The following TTC34 variants were observed in gnomAD, a reference collection of about 807,000 sequenced individuals.
TTC34 encodes tetratricopeptide repeat domain 34, also known as tetratricopeptide repeat protein 34.
TTC34 carries 44 observed loss-of-function variants against 40.7 expected under a neutral mutation model. That is an observed-to-expected ratio of 1.08 (90% CI 0.85 to 1.39). The LOEUF (loss-of-function observed/expected upper bound fraction) is 1.39. TTC34 is among the 40% of genes most tolerant of loss of function. TTC34 has a pLI of 0.00. For synonymous variants in TTC34, 422 were observed against 398.6 expected, an observed-to-expected ratio of 1.06 and a Z score of -0.70; for missense variants, 884 against 838.0, an observed-to-expected ratio of 1.05 and a Z score of -0.68.
chr1:2,755,751 C>G (rs1380196894), intron 6 of TTC34, among the ~76,000 whole-genome samples: 3 of 33,988 alleles, frequency 8.8e-5, no homozygotes, highest in South Asian at 1.0e-3. Flanking sequence ...CACACCCAGG[C>G]GAGCATCTGA....
chr1:2,751,714 A>G (rs1641326749), intron 6 of TTC34, among the ~76,000 whole-genome samples: 2 of 150,428 alleles, frequency 1.3e-5, no homozygotes, highest in African/African-American at 4.9e-5. Context: ...GACAGCCTGG[A>G]GCAGCACCCA....
chr1:2,652,563 A>G (rs1570754102), intron 6 of TTC34, among the ~76,000 whole-genome samples: 1 of 138,938 alleles, frequency 7.2e-6, no homozygotes, highest in Non-Finnish European at 1.5e-5. Context: ...CAGCACCCAC[A>G]CCCCCAGGTG....
intron 7 of TTC34, 141 bp from the exon 8 acceptor site, chr1:2,644,619 G>A (rs1638982486): frequency 1.2e-6 from 1 of 866,042 alleles, no homozygotes; most frequent in South Asian, 1.7e-5. Flanking sequence ...AGAAGGAGCT[G>A]GGAGCAGAGG....
chr1:2,642,639 T>C (rs9970196), intron 8 of TTC34, among the ~76,000 whole-genome samples: 92,052 of 152,148 alleles, frequency 0.61, 28,576 homozygotes, highest in Non-Finnish European at 0.68. Flanking sequence ...CGCTCAAGAA[T>C]CTGCAGGGGT....
At chr1:2,683,221 G>T (rs1489282341) in intron 6 of TTC34, among the ~76,000 whole-genome samples, 5 of 131,266 alleles carry the variant, frequency 3.8e-5, no homozygotes, top group African/African-American at 9.4e-5. Context: ...GCCTGGGTCG[G>T]CACCCACACC....
intron 6 of TTC34, among the ~76,000 whole-genome samples, chr1:2,677,923 C>T (rs1292613118): frequency 5.8e-5 from 2 of 34,408 alleles, no homozygotes; most frequent in Non-Finnish European, 4.7e-5. Context: ...CCTGGAGCAG[C>T]ACCCTGCACC....
At chr1:2,643,046 G>A (rs1240988804) in intron 8 of TTC34, among the ~76,000 whole-genome samples, 2 of 152,148 alleles carry the variant, frequency 1.3e-5, no homozygotes, top group Non-Finnish European at 2.9e-5. Flanking sequence ...GCCTCGGCCC[G>A]CGCAGGACCC....
At chr1:2,774,966 C>T (rs1419676290) in intron 6 of TTC34, 1 of 89,846 alleles carries the variant, frequency 1.1e-5, no homozygotes, top group Non-Finnish European at 2.3e-5. Flanking sequence ...GAATCTGACA[C>T]CATAAAACAG....
intron 3 of TTC34, among the ~76,000 whole-genome samples, chr1:2,789,249 G>A (rs563217914): frequency 8.7e-4 from 133 of 152,312 alleles, no homozygotes; most frequent in African/African-American, 2.7e-3. Context: ...GTCCAGCACA[G>A]ACTCGGTTTG....
At chr1:2,761,098 G>A (rs1464070434) in intron 6 of TTC34, among the ~76,000 whole-genome samples, 2 of 55,258 alleles carry the variant, frequency 3.6e-5, no homozygotes, top group Non-Finnish European at 5.9e-5. Flanking sequence ...GGTGAGCATC[G>A]GACATCCTGG....
chr1:2,699,573 C>A (rs1311467782), intron 6 of TTC34, among the ~76,000 whole-genome samples: 2 of 133,586 alleles, frequency 1.5e-5, no homozygotes, highest in Non-Finnish European at 3.4e-5. Context: ...AGCACCCACA[C>A]CCCCAGGTGA....
At chr1:2,653,733 C>A (rs1639235243) in intron 6 of TTC34, among the ~76,000 whole-genome samples, 18 of 151,662 alleles carry the variant, frequency 1.2e-4, no homozygotes, top group African/African-American at 4.4e-4. Flanking sequence ...CCCACAACCA[C>A]AAGTGAGCAT....
intron 6 of TTC34, among the ~76,000 whole-genome samples, chr1:2,671,792 C>A (rs866191757): frequency 2.3e-4 from 35 of 149,844 alleles, no homozygotes; most frequent in African/African-American, 8.9e-4. Flanking sequence ...CACCCACACA[C>A]CGAGGTGAGC....
At chr1:2,700,075 C>T (rs1452244286) in intron 6 of TTC34, among the ~76,000 whole-genome samples, 1 of 122,260 alleles carries the variant, frequency 8.2e-6, no homozygotes, top group Admixed American at 8.6e-5. Flanking sequence ...ATATGACCAC[C>T]TGGAGCAGCA....
intron 6 of TTC34, among the ~76,000 whole-genome samples, chr1:2,757,678 T>A (rs1641552193): frequency 7.5e-6 from 1 of 133,528 alleles, no homozygotes; most frequent in Non-Finnish European, 1.6e-5. Flanking sequence ...CACCCCTAGG[T>A]GAACATCCGA....
rs1324622785 is a variant in TTC34 at position 2,751,872 on chromosome 1, C to T, written c.2226+31737G>A. Among the ~76,000 whole-genome samples the T allele has an allele frequency of 2.6e-4, 31 of 118,682 alleles. 3 individuals carry two copies. Among genetic ancestry groups the T allele is most frequent in the African/African-American group, 1.1e-3 (29 of 26,302 alleles). The allele number at this position is 118,682 out of a possible 152,430, so 77.9% of individuals were successfully genotyped here. A position where few individuals can be genotyped will look rare whatever the true frequency, so the allele number is the denominator to read the frequency against. On this transcript the variant is annotated intron_variant, in intron 6 of 8. Transcript: ENST00000401095. ...CACCCCCAAGTGAGCATCCGACAGCCTGGAGCAGCACCCACACCCCCAGGT... is the reference window on the plus strand; with the variant it reads ...CACCCCCAAGTGAGCATCCGACAGCTTGGAGCAGCACCCACACCCCCAGGT...
chr1:2,683,437 A>G (rs1640171037), intron 6 of TTC34, among the ~76,000 whole-genome samples: 1 of 147,366 alleles, frequency 6.8e-6, no homozygotes, highest in South Asian at 2.1e-4. Context: ...CTTCACCCCC[A>G]GGTGAGCATC....
At chr1:2,688,248 C>G (rs796086529) in intron 6 of TTC34, among the ~76,000 whole-genome samples, 3 of 126,450 alleles carry the variant, frequency 2.4e-5, no homozygotes, top group African/African-American at 1.1e-4. Flanking sequence ...AGCACCCACA[C>G]CCCCAGGGGA....
At position 2,776,380 on chromosome 1, in the gene TTC34, G is replaced by A. The variant is rs1304929078; in HGVS notation, c.2226+7229C>T. 1.3e-4 allele frequency: 18 copies of A among 142,036 alleles called. 1 individual carries two copies. Among genetic ancestry groups the A allele is most frequent in the Admixed American group, 2.0e-4 (3 of 14,752 alleles). The allele number at this position is 142,036 out of a possible 1,614,324, so 8.8% of individuals were successfully genotyped here. On this transcript the variant is annotated intron_variant, in intron 6 of 8. Transcript: ENST00000401095. Reference sequence around the variant, plus strand: ...AACAACCCCCTTCAGGTGAGCATCCGACAGCCTGGAACAGCAGCTCACATC... The same window carrying A: ...AACAACCCCCTTCAGGTGAGCATCCAACAGCCTGGAACAGCAGCTCACATC...
Sources: allele counts gnomAD v4.1 joint callset (sites outside exome capture counted in the v4.1 genomes callset), GRCh38; gene constraint gnomAD v4.1.1; transcripts MANE v1.5; gene names NCBI Gene and HGNC (gene_info 2026-07-23, HGNC 2026-07-21).